ARHGAP26: variants seen among roughly 807,000 people sequenced by gnomAD.
The protein encoded by ARHGAP26 is Rho GTPase activating protein 26, also known as rho GTPase-activating protein 26.
ARHGAP26 carries 38 observed loss-of-function variants against 104.8 expected under a neutral mutation model. That is an observed-to-expected ratio of 0.36 (90% CI 0.28 to 0.48). The LOEUF (loss-of-function observed/expected upper bound fraction) is 0.48. Among genes scored for constraint, ARHGAP26 ranks in the 20% least tolerant of loss-of-function variants. The pLI, the probability that ARHGAP26 is intolerant of heterozygous loss-of-function variation, is 0.99. For synonymous variants in ARHGAP26, 341 were observed against 340.0 expected (o/e 1.00, Z -0.03); for missense variants, 704 against 947.9 (o/e 0.74, Z 3.38).
intron 1 of ARHGAP26, chr5:142,859,905 C>G (rs1186750315): frequency 6.6e-6 from 1 of 152,322 alleles, no homozygotes; most frequent in Non-Finnish European, 1.5e-5. Flanking sequence ...TCATTGTCAT[C>G]TTCTTGCATC....
At chr5:143,178,418 G>C (rs1057228174) in intron 20 of ARHGAP26, among the ~76,000 whole-genome samples, 1 of 152,166 alleles carries the variant, frequency 6.6e-6, no homozygotes, top group African/African-American at 2.4e-5. Context: ...ATTGTATGAG[G>C]GTGACAACTT....
Position 143,226,242 on chromosome 5 carries a change from G to A in ARHGAP26, c.*3796G>A. 1 of 178,410 alleles carries A rather than the reference G, an allele frequency of 5.6e-6. No homozygotes were observed. Among genetic ancestry groups the A allele is most frequent in the Non-Finnish European group, 1.2e-5 (1 of 83,106 alleles). The allele number at this position is 178,410 out of a possible 1,614,324, so 11.1% of individuals were successfully genotyped here. On this transcript the variant is annotated 3_prime_UTR_variant, in exon 23 of 23. Coordinates refer to ENST00000645722, the MANE Select transcript of ARHGAP26 (RefSeq NM_001135608.3). ...CACGCCTATAATCCCAGCACTTTGGGAGGCCGAGGCGGGCGGATCACGAGG... is the reference window on the plus strand; with the variant it reads ...CACGCCTATAATCCCAGCACTTTGGAAGGCCGAGGCGGGCGGATCACGAGG...
chr5:142,971,369 G>A (rs914134878), intron 11 of ARHGAP26, among the ~76,000 whole-genome samples: 3 of 152,176 alleles, frequency 2.0e-5, no homozygotes, highest in African/African-American at 7.2e-5. Flanking sequence ...AAGGTTCCAG[G>A]TGCCTAGAAC....
intron 17 of ARHGAP26, among the ~76,000 whole-genome samples, chr5:143,073,231 A>C (rs1788523007): frequency 6.6e-6 from 1 of 152,186 alleles, no homozygotes; most frequent in African/African-American, 2.4e-5. Context: ...TCATTTTTTA[A>C]AAAAGTTTAA....
At chr5:143,198,352 A>G (rs1329535180) in intron 20 of ARHGAP26, among the ~76,000 whole-genome samples, 3 of 152,344 alleles carry the variant, frequency 2.0e-5, no homozygotes, top group Middle Eastern at 3.4e-3. Flanking sequence ...ATAAATTCAC[A>G]TATTGTGAAA....
In ARHGAP26 at chr5:143,035,868, G is replaced by A. The variant is rs780254245; in HGVS notation, c.1145-1328G>A. 1.9e-4 allele frequency among the ~76,000 whole-genome samples: 28 copies of A among 145,852 alleles called. No individual in the cohort carries two copies. In the Middle Eastern group the frequency reaches 0.011, roughly 57 times the overall value. On this transcript the variant is annotated intron_variant, in intron 12 of 22. Coordinates refer to ENST00000645722, the MANE Select transcript of ARHGAP26 (RefSeq NM_001135608.3). ...GGAGACTCGCTTGAACCCAGGAGGC[G>A]AAGGTTGCAGTGAGCCAAGATCATG...
intron 5 of ARHGAP26, among the ~76,000 whole-genome samples, chr5:142,893,859 T>C (rs1598121623): frequency 1.3e-5 from 2 of 152,128 alleles, no homozygotes; most frequent in East Asian, 3.8e-4. Context: ...TTTTTTAATA[T>C]ACCCTTTGGC....
At chr5:142,947,760 G>A (rs1035809089) in intron 11 of ARHGAP26, among the ~76,000 whole-genome samples, 36 of 152,164 alleles carry the variant, frequency 2.4e-4, no homozygotes, top group African/African-American at 7.7e-4. Flanking sequence ...CCATGAAGGC[G>A]AGGATCTTGA....
At chr5:143,198,456 A>G (rs1014119157) in intron 20 of ARHGAP26, among the ~76,000 whole-genome samples, 1 of 152,236 alleles carries the variant, frequency 6.6e-6, no homozygotes, top group South Asian at 2.1e-4. Flanking sequence ...TAGGTTCAAC[A>G]GGAAAGAATA....
chr5:143,171,970 G>A (rs1328499683), intron 20 of ARHGAP26, among the ~76,000 whole-genome samples: 2 of 152,002 alleles, frequency 1.3e-5, no homozygotes, highest in Non-Finnish European at 2.9e-5. Flanking sequence ...GTCCCCTTAA[G>A]GGTTAGACTG....
chr5:142,858,061 CTGTGTG>C (rs746146391), intron 1 of ARHGAP26, among the ~76,000 whole-genome samples: 89 of 134,400 alleles, frequency 6.6e-4, no homozygotes, highest in East Asian at 5.4e-3. Context: ...GAGAGAGAAT[CTGTGTG>C]TGTGTGTGTG....
At chr5:142,995,567 G>T (rs1445970235) in intron 11 of ARHGAP26, among the ~76,000 whole-genome samples, 1 of 152,188 alleles carries the variant, frequency 6.6e-6, no homozygotes, top group African/African-American at 2.4e-5. Context: ...GTTGGTGGGA[G>T]TGTAAATTAG....
At chr5:142,776,887 G>T (rs1373864419) in intron 1 of ARHGAP26, among the ~76,000 whole-genome samples, 1 of 152,164 alleles carries the variant, frequency 6.6e-6, no homozygotes, top group Non-Finnish European at 1.5e-5. Flanking sequence ...CACCAACAAT[G>T]TATGAGGATT....
intron 1 of ARHGAP26, among the ~76,000 whole-genome samples, chr5:142,774,657 T>C (rs1416814254): frequency 2.0e-5 from 3 of 152,226 alleles, no homozygotes; most frequent in Non-Finnish European, 4.4e-5. Context: ...TTGACAAATG[T>C]ATAATGACAT....
chr5:143,012,554 T>TATATATATATATATATATATATAC (rs1778973762), intron 11 of ARHGAP26, among the ~76,000 whole-genome samples: 3 of 66,168 alleles, frequency 4.5e-5, no homozygotes, highest in East Asian at 2.9e-4. Flanking sequence ...CATACATACA[T>TATATATATATATATATATATATAC]ATATATATAT....
chr5:142,881,168 T>C (rs1756944651), intron 4 of ARHGAP26, among the ~76,000 whole-genome samples: 1 of 152,224 alleles, frequency 6.6e-6, no homozygotes, highest in South Asian at 2.1e-4. Context: ...TCCCCACTCT[T>C]GAACATGCTT....
At chr5:143,036,069 G>A (rs1782594634) in intron 12 of ARHGAP26, among the ~76,000 whole-genome samples, 1 of 151,336 alleles carries the variant, frequency 6.6e-6, no homozygotes, top group African/African-American at 2.4e-5. Flanking sequence ...AAGAATTAAA[G>A]AAAGATTCAG....
chr5:143,070,848 G>C (rs1788145048), intron 17 of ARHGAP26, among the ~76,000 whole-genome samples: 1 of 152,078 alleles, frequency 6.6e-6, no homozygotes, highest in Admixed American at 6.6e-5. Flanking sequence ...GGACGCGGAG[G>C]TTGCAGTGAG....
chr5:142,910,072 T>C (rs1761630288), intron 9 of ARHGAP26, among the ~76,000 whole-genome samples: 1 of 152,128 alleles, frequency 6.6e-6, no homozygotes, highest in South Asian at 2.1e-4. Context: ...ACATAATGGG[T>C]GCTATATTAG....
Sources: allele counts gnomAD v4.1 joint callset (sites outside exome capture counted in the v4.1 genomes callset), GRCh38; gene constraint gnomAD v4.1.1; transcripts MANE v1.5; gene names NCBI Gene and HGNC (gene_info 2026-07-23, HGNC 2026-07-21).